Variants in OR1J2 observed in about 807,000 individuals in gnomAD.
The protein encoded by OR1J2 is olfactory receptor family 1 subfamily J member 2, also known as olfactory receptor 1J2.
For synonymous variants in OR1J2, 142 were observed against 99.7 expected (o/e 1.42, Z -2.52); for missense variants, 304 against 246.1 (o/e 1.24, Z -1.57).
the OR1J2 span, among the ~76,000 whole-genome samples, chr9:122,540,195 C>G: frequency 6.6e-6 from 1 of 151,214 alleles, no homozygotes; most frequent in African/African-American, 2.4e-5. Flanking sequence ...TTGCCCATGC[C>G]TGTGTCCTGA....
At chr9:122,488,865 T>TCTA in the OR1J2 span, among the ~76,000 whole-genome samples, 4 of 151,592 alleles carry the variant, frequency 2.6e-5, no homozygotes, top group African/African-American at 7.3e-5. Context: ...TTTTTTAAAA[T>TCTA]TTATTATACT....
At chr9:122,575,736 TCA>T in the OR1J2 span, among the ~76,000 whole-genome samples, 3 of 152,288 alleles carry the variant, frequency 2.0e-5, no homozygotes, top group East Asian at 5.8e-4. Flanking sequence ...ATCTATAATC[TCA>T]CAGTTACTTT....
chr9:122,554,526 T>C, the OR1J2 span, among the ~76,000 whole-genome samples: 1 of 152,186 alleles, frequency 6.6e-6, no homozygotes, highest in Non-Finnish European at 1.5e-5. Context: ...GGAAGGAGAA[T>C]AGAAACATTT....
chr9:122,566,878 GATA>G, the OR1J2 span, among the ~76,000 whole-genome samples: 1 of 152,124 alleles, frequency 6.6e-6, no homozygotes, highest in Non-Finnish European at 1.5e-5. Context: ...GTGTGAAATG[GATA>G]ATTTCCATGT....
chr9:122,467,386 A>G, the OR1J2 span, among the ~76,000 whole-genome samples: 6 of 152,198 alleles, frequency 3.9e-5, no homozygotes, highest in South Asian at 1.2e-3. Context: ...CCATGCTAAA[A>G]TTTCTTTTTC....
chr9:122,558,198 G>T, the OR1J2 span, among the ~76,000 whole-genome samples: 1 of 99,974 alleles, frequency 1.0e-5, no homozygotes. Flanking sequence ...ATGTCCTATT[G>T]TCCTATTTTC....
At chr9:122,498,971 G>C in the OR1J2 span, among the ~76,000 whole-genome samples, 1 of 152,212 alleles carries the variant, frequency 6.6e-6, no homozygotes, top group East Asian at 1.9e-4. Context: ...CATCCCACAA[G>C]CCTATAGATG....
the OR1J2 span, among the ~76,000 whole-genome samples, chr9:122,504,522 G>A: frequency 3.3e-5 from 5 of 152,032 alleles, no homozygotes; most frequent in South Asian, 1.0e-3. Context: ...ATATGAAGAG[G>A]CCTACCAAAT....
chr9:122,554,996 T>C, the OR1J2 span, among the ~76,000 whole-genome samples: 4 of 146,512 alleles, frequency 2.7e-5, no homozygotes, highest in African/African-American at 1.1e-4. Context: ...GAAACTGATA[T>C]TATGAGAAGT....
At chr9:122,526,883 T>A in the OR1J2 span, 1 of 1,614,090 alleles carries the variant, frequency 6.2e-7, no homozygotes, top group South Asian at 1.1e-5. Flanking sequence ...GGGCACAGAC[T>A]TGGGGCCTCA....
the OR1J2 span, among the ~76,000 whole-genome samples, chr9:122,529,765 T>A: frequency 1.0e-5 from 1 of 95,474 alleles, no homozygotes; most frequent in Non-Finnish European, 1.9e-5. Context: ...TCTCTTTACT[T>A]ACCTCCAACT....
the OR1J2 span, among the ~76,000 whole-genome samples, chr9:122,484,760 C>T: frequency 6.0e-5 from 9 of 150,480 alleles, no homozygotes; most frequent in African/African-American, 1.7e-4. Context: ...GGACTAGGTG[C>T]GTTGGCTCAC....
the OR1J2 span, among the ~76,000 whole-genome samples, chr9:122,548,589 T>A: frequency 0.14 from 20,558 of 151,226 alleles, 1,710 homozygotes; most frequent in East Asian, 0.28. Context: ...TTTAAAATTT[T>A]TATATATATA....
chr9:122,464,968 C>T, the OR1J2 span, among the ~76,000 whole-genome samples: 2 of 152,038 alleles, frequency 1.3e-5, no homozygotes, highest in Non-Finnish European at 2.9e-5. Context: ...TTTGTGTATG[C>T]TTATACTTTC....
chr9:122,532,519 G>A, the OR1J2 span, among the ~76,000 whole-genome samples: 16 of 150,416 alleles, frequency 1.1e-4, no homozygotes, highest in Non-Finnish European at 1.6e-4. Context: ...GTGGGAGGCC[G>A]GATTGAAGTC....
chr9:122,537,141 T>C, the OR1J2 span, among the ~76,000 whole-genome samples: 1 of 152,200 alleles, frequency 6.6e-6, no homozygotes, highest in African/African-American at 2.4e-5. Context: ...TTTTAAGGGC[T>C]CACAACACTA....
At chr9:122,477,569 A>G in the OR1J2 span, 1 of 1,614,062 alleles carries the variant, frequency 6.2e-7, no homozygotes, top group African/African-American at 1.3e-5. Context: ...TACCTGTCAT[A>G]TGCCATTGAA....
chr9:122,551,366 G>T, the OR1J2 span, among the ~76,000 whole-genome samples: 1 of 152,134 alleles, frequency 6.6e-6, no homozygotes, highest in Non-Finnish European at 1.5e-5. Context: ...TTTGTATGAG[G>T]CACTATGGCT....
chr9:122,547,920 G>T, the OR1J2 span, among the ~76,000 whole-genome samples: 1 of 152,094 alleles, frequency 6.6e-6, no homozygotes, highest in Admixed American at 6.6e-5. Context: ...ATTGCGTTAA[G>T]TATTCAATTT....
Sources: gnomAD v4.1 joint callset for allele counts (sites outside exome capture counted in the v4.1 genomes callset) on GRCh38, gnomAD v4.1.1 for gene constraint, MANE v1.5 for transcripts, NCBI Gene and HGNC (gene_info 2026-07-23, HGNC 2026-07-21) for gene names.